The following MYH4 variants were observed in gnomAD, a reference collection of about 807,000 sequenced individuals.
MYH4 encodes myosin heavy chain 4.
In MYH4, 200 loss-of-function variants were observed where a neutral mutation model predicts 229.9. That is an observed-to-expected ratio of 0.87 (90% CI 0.78 to 0.98). MYH4 has a LOEUF of 0.98. MYH4 is among the 50% of genes least tolerant of loss of function. The pLI is 0.00. For missense variants in MYH4, 2,148 were observed against 2,332.6 expected, an observed-to-expected ratio of 0.92 and a Z score of 1.63; for synonymous variants, 761 against 834.6, an observed-to-expected ratio of 0.91 and a Z score of 1.52.
chr17:10,455,301 A>C lies in MYH4; in HGVS notation c.2175-6T>G, dbSNP rs2072626926. On this transcript the variant is annotated splice_polypyrimidine_tract_variant and splice_region_variant and intron_variant, in intron 19 of 39. Coordinates refer to ENST00000255381, the MANE Select transcript of MYH4 (RefSeq NM_017533.2). ...TCGCATTTAGAACCTTGTATCTGTC[A>C]GAATAAAAAGAATATAAAAATGTGG... 1 of 1,603,148 alleles carries C rather than the reference A, an allele frequency of 6.2e-7. No individual in the cohort carries two copies. The highest frequency in any genetic ancestry group is 1.7e-5 in the Admixed American group (1 of 57,236).
chr17:10,466,022 C>T (rs1285228488), intron 4 of MYH4, among the ~76,000 whole-genome samples: 1 of 152,040 alleles, frequency 6.6e-6, no homozygotes, highest in Non-Finnish European at 1.5e-5. Context: ...GATCCGCCCG[C>T]CTCGGCCTCC....
chr17:10,450,798 C>T lies in MYH4; in HGVS notation c.3963G>A (p.Arg1321=), dbSNP rs1437882723. 6.2e-7 allele frequency: 1 copy of T among 1,613,886 alleles called. No individual in the cohort carries two copies. The highest frequency in any genetic ancestry group is 1.7e-5 in the Admixed American group (1 of 60,022). ...TCACCTTAGTCTCCTCTTCTAGCTG[C>T]CTCTTTAATTCTTCAATCTGTTGTG... ...AFTQQIEELK[R]QLEEETKAKS... Residue 1321 remains arginine, a synonymous_variant, in exon 29 of 40, where the codon AGG becomes AGA. Transcript: ENST00000255381.
At position 10,448,938 on chromosome 17, in the gene MYH4, C is replaced by T; in HGVS notation, c.4291G>A (p.Asp1431Asn). 1.2e-6 allele frequency: 2 copies of T among 1,614,112 alleles called. No individual in the cohort carries two copies. The highest frequency in any genetic ancestry group is 1.7e-6 in the Non-Finnish European group (2 of 1,180,004). Reference sequence around the variant, plus strand: ...GATCGTTCCACATCAATCATGAGGTCCTCTACTTCATTCTGTAGCCTCTGC... The same window carrying T: ...GATCGTTCCACATCAATCATGAGGTTCTCTACTTCATTCTGTAGCCTCTGC... ...TKQRLQNEVE[D>N]LMIDVERSNA... is the part of the protein sequence containing the mutation. Residue 1431 changes from aspartate (D) to asparagine (N), a missense_variant, in exon 31 of 40, where the codon GAC (aspartate) becomes AAC (asparagine). Physicochemically the swap from Asp to Asn is conservative, Grantham distance 23. Coordinates refer to ENST00000255381, the MANE Select transcript of MYH4 (RefSeq NM_017533.2).
intron 35 of MYH4, among the ~76,000 whole-genome samples, chr17:10,446,676 C>A (rs1016087257): frequency 6.6e-5 from 10 of 152,126 alleles, no homozygotes; most frequent in African/African-American, 1.9e-4. Flanking sequence ...TTTTGTTTTT[C>A]TCCTCTATTT....
chr17:10,464,619 T>G, intron 6 of MYH4, 33 bp from the exon 7 acceptor site: 4 of 1,613,628 alleles, frequency 2.5e-6, no homozygotes, highest in Non-Finnish European at 3.4e-6. Flanking sequence ...AAGGTCAGAA[T>G]CTAAGGTAGT....
intron 2 of MYH4, 83 bp downstream of exon 2, chr17:10,469,205 A>T (rs942420946): frequency 6.6e-6 from 1 of 152,210 alleles, no homozygotes; most frequent in Non-Finnish European, 1.5e-5. Flanking sequence ...ATACTAAACT[A>T]GGAAATAAAA....
chr17:10,463,421 G>A lies in MYH4; in HGVS notation c.742-20C>T. 1.2e-6 allele frequency: 2 copies of A among 1,606,996 alleles called. No homozygotes were observed. The highest frequency in any genetic ancestry group is 1.7e-6 in the Non-Finnish European group (2 of 1,176,048). ...TTTACCCTTAAAAAAGAAAAGGAGG[G>A]ATTATTATACACATTAAAATCAGAA... On this transcript the variant is annotated intron_variant, in intron 8 of 39. Transcript: ENST00000255381.
At position 10,459,359 on chromosome 17, in the gene MYH4, G is replaced by T; in HGVS notation, c.1479C>A (p.Asn493Lys). 6.2e-7 allele frequency: 1 copy of T among 1,614,118 alleles called. No homozygotes were observed. Among genetic ancestry groups the T allele is most frequent in the Non-Finnish European group, 8.5e-7 (1 of 1,180,008 alleles). ...CCTGCTCCAGCACGAACATGTGGTG[G>T]TTGAAAAACTGTTGCAGTTTCTCGT... The part of the protein sequence containing the change: ...FTNEKLQQFF[N>K]HHMFVLEQEE... The change falls in exon 15 of 40, where the codon AAC (asparagine) becomes AAA (lysine). Residue 493 changes from asparagine (N) to lysine (K), a missense_variant. By Grantham distance (94) the Asn-to-Lys change is moderately conservative (BLOSUM62 0). Transcript: ENST00000255381.
chr17:10,450,343 A>C, intron 30 of MYH4, 110 bp downstream of exon 30: 1 of 1,542,476 alleles, frequency 6.5e-7, no homozygotes, highest in Non-Finnish European at 8.9e-7. Flanking sequence ...TAATAAAATA[A>C]GCTGAAGTCT....
At position 10,452,619 on chromosome 17, in the gene MYH4, A is replaced by G. The variant is rs532407288; in HGVS notation, c.3258-113T>C. 1.9e-4 allele frequency: 241 copies of G among 1,238,422 alleles called. 3 individuals carry two copies. The South Asian group carries it at 3.3e-3, about 17-fold the overall frequency. The allele number at this position is 1,238,422 out of a possible 1,614,324, so 76.7% of individuals were successfully genotyped here. A position where few individuals can be genotyped will look rare whatever the true frequency, so the allele number is the denominator to read the frequency against. On this transcript the variant is annotated intron_variant, in intron 25 of 39. Transcript: ENST00000255381. ...TGGTGTTGAAGGAGTGAGTAGTACA[A>G]TGTTTTACAGATTAATAATTGTATT...
At position 10,448,511 on chromosome 17, in the gene MYH4, G is replaced by C. The variant is rs370507324; in HGVS notation, c.4541C>G (p.Ser1514Cys). The change falls in exon 33 of 40, where the codon TCT (serine) becomes TGT (cysteine). Residue 1514 changes from serine (S) to cysteine (C), a missense_variant. Coordinates refer to ENST00000255381, the MANE Select transcript of MYH4 (RefSeq NM_017533.2). ...RENKNLQQEI[S>C]DLTEQIAEGG... The stretch of plus-strand genomic sequence containing the variant: ...CTCTGCAATTTGCTCTGTCAGGTCA[G>C]AAATCTCCTCTGTAATAATAAAGTA... The C allele has an allele frequency of 1.3e-5, 21 of 1,613,356 alleles. No homozygotes were observed. The highest frequency in any genetic ancestry group is 1.5e-5 in the Non-Finnish European group (18 of 1,179,872).
chr17:10,446,922 G>A (rs1261770824), intron 35 of MYH4, 91 bp downstream of exon 35: 1 of 1,353,848 alleles, frequency 7.4e-7, no homozygotes, highest in Non-Finnish European at 1.0e-6. Context: ...AAGGGACGAA[G>A]ATTACTTTTT....
chr17:10,462,356 G>A (rs963816926), intron 11 of MYH4, among the ~76,000 whole-genome samples: 2 of 152,150 alleles, frequency 1.3e-5, no homozygotes, highest in Non-Finnish European at 2.9e-5. Flanking sequence ...CCCAAAATGA[G>A]TGTTTTTGAA....
At chr17:10,456,457 T>C (rs1475542927) in intron 17 of MYH4, 28 bp downstream of exon 17, 1 of 1,550,960 alleles carries the variant, frequency 6.4e-7, no homozygotes, top group Non-Finnish European at 8.8e-7. Context: ...ATGAAAGTAT[T>C]TATCTGTAAT....
At chr17:10,455,378 G>C in intron 19 of MYH4, 83 bp from the exon 20 acceptor site, 1 of 1,446,180 alleles carries the variant, frequency 6.9e-7, no homozygotes, top group Non-Finnish European at 9.4e-7. Flanking sequence ...TCATTGAAAA[G>C]ATGATAGATT....
chr17:10,447,789 C>T (rs748695146), intron 34 of MYH4, 29 bp downstream of exon 34: 20 of 1,573,762 alleles, frequency 1.3e-5, no homozygotes, highest in Non-Finnish European at 1.7e-5. Flanking sequence ...TGAGACTGTA[C>T]AACACTATGT....
chr17:10,457,510 G>T lies in MYH4; in HGVS notation c.1807C>A (p.Pro603Thr). The T allele has an allele frequency of 6.2e-7, 1 of 1,614,184 alleles. No homozygotes were observed. The highest frequency in any genetic ancestry group is 1.7e-5 in the Admixed American group (1 of 60,030). Residue 603 changes from proline (P) to threonine (T), a missense_variant, in exon 16 of 40, where the codon CCC (proline) becomes ACC (threonine). Pro to Thr is a conservative substitution (Grantham distance 38). Coordinates refer to ENST00000255381, the MANE Select transcript of MYH4 (RefSeq NM_017533.2). ...IAGWLDKNKD[P>T]LNETVVGLYQ... ...AGCCCCACCACAGTCTCATTCAGGGGGTCCTTGTTTTTGTCCAGCCAGCCG... is the reference window on the plus strand; with the variant it reads ...AGCCCCACCACAGTCTCATTCAGGGTGTCCTTGTTTTTGTCCAGCCAGCCG...
chr17:10,466,289 G>T lies in MYH4; in HGVS notation c.332C>A (p.Ala111Glu). The T allele has an allele frequency of 6.2e-7, 1 of 1,614,132 alleles. No individual in the cohort carries two copies. The highest frequency in any genetic ancestry group is 8.5e-7 in the Non-Finnish European group (1 of 1,180,004). The change falls in exon 4 of 40, where the codon GCA (alanine) becomes GAA (glutamate). Residue 111 changes from alanine to glutamate, a missense_variant. Transcript: ENST00000255381. Reference sequence around the variant, plus strand: ...GGTGCTCACGTAGATCATCCAGGCTGCGTAACGCTCTTTGAGGTTATACAG... The same window carrying T: ...GGTGCTCACGTAGATCATCCAGGCTTCGTAACGCTCTTTGAGGTTATACAG... Reference protein sequence around the residue: ...AVLYNLKERYAAWMIYTYSGL... With the variant: ...AVLYNLKERYEAWMIYTYSGL...
intron 24 of MYH4, 78 bp downstream of exon 24, chr17:10,453,074 T>C (rs974745459): frequency 6.2e-7 from 1 of 1,603,324 alleles, no homozygotes. Context: ...CGTTAAAGGC[T>C]TATGACTATC....
Sources: gnomAD v4.1 joint callset for allele counts (sites outside exome capture counted in the v4.1 genomes callset) on GRCh38, gnomAD v4.1.1 for gene constraint, MANE v1.5 for transcripts, NCBI Gene and HGNC (gene_info 2026-07-23, HGNC 2026-07-21) for gene names.